Variants in WDR64 observed in about 807,000 individuals in gnomAD.
The protein encoded by WDR64 is WD repeat domain 64, also known as WD repeat-containing protein 64.
WDR64 carries 112 observed loss-of-function variants against 139.3 expected under a neutral mutation model. The observed-to-expected ratio is 0.80, with a 90% CI of 0.69 to 0.94. The LOEUF (loss-of-function observed/expected upper bound fraction) is 0.94. WDR64 is among the 40% of genes least tolerant of loss of function. The probability of loss-of-function intolerance (pLI) is 0.00; values close to 1 mark genes in which losing one functional copy is unlikely to be tolerated. For missense variants in WDR64, 1,206 were observed against 1,293.1 expected (o/e 0.93, Z 1.03); for synonymous variants, 444 against 437.7 (o/e 1.01, Z -0.18).
chr1:241,747,785 G>A (rs1320952515), intron 13 of WDR64, among the ~76,000 whole-genome samples: 2 of 152,206 alleles, frequency 1.3e-5, no homozygotes, highest in Non-Finnish European at 2.9e-5. Context: ...AGGAAGGAAA[G>A]ACTTCCTGGG....
At chr1:241,753,233 C>G (rs1670044098) in intron 14 of WDR64, among the ~76,000 whole-genome samples, 1 of 152,196 alleles carries the variant, frequency 6.6e-6, no homozygotes, top group Non-Finnish European at 1.5e-5. Flanking sequence ...AGACTAGAAA[C>G]TGGCTGTCTT....
In WDR64 at chr1:241,698,956, G is replaced by A. The variant is rs140321784; in HGVS notation, c.974+11361G>A. On this transcript the variant is annotated intron_variant, in intron 8 of 27. Transcript: ENST00000437684. ...TCGTGGTGGAAGGGGAAGCAAACAC[G>A]TCCTTCTTCACTTGGTGGCAGGAAA... Among the ~76,000 whole-genome samples, 77 of 152,298 alleles carry A rather than the reference G, an allele frequency of 5.1e-4. 2 individuals are homozygous for A. Among genetic ancestry groups the A allele is most frequent in the African/African-American group, 1.7e-3 (71 of 41,558 alleles).
At position 241,749,606 on chromosome 1, in the gene WDR64, A is replaced by G. The variant is rs756496380; in HGVS notation, c.1654A>G (p.Lys552Glu). 1.2e-6 allele frequency: 2 copies of G among 1,613,974 alleles called. No individual in the cohort carries two copies. The highest frequency in any genetic ancestry group is 1.7e-6 in the Non-Finnish European group (2 of 1,179,980). ...GQEMKVLPEGKDWKEDEHCLR... is the reference protein window; with the variant it reads ...GQEMKVLPEGEDWKEDEHCLR... ...GGAGATGAAGGTGTTGCCGGAGGGG[A>G]AAGACTGGAAGGAGGACGAGCACTG... The change falls in exon 14 of 28, where the codon AAA (lysine) becomes GAA (glutamate). Residue 552 changes from lysine to glutamate, a missense_variant. Coordinates refer to ENST00000437684, the MANE Select transcript of WDR64 (RefSeq NM_001367482.1).
intron 13 of WDR64, among the ~76,000 whole-genome samples, chr1:241,746,290 C>A (rs957086810): frequency 5.3e-5 from 8 of 151,988 alleles, no homozygotes; most frequent in Admixed American, 5.2e-4. Flanking sequence ...GAGGAAAAGA[C>A]CTGTGGTTCA....
At chr1:241,772,228 T>G (rs1008443214) in intron 19 of WDR64, among the ~76,000 whole-genome samples, 2 of 148,748 alleles carry the variant, frequency 1.3e-5, no homozygotes, top group Non-Finnish European at 1.5e-5. Context: ...ATAGAAGCTT[T>G]TGCAATATGA....
At chr1:241,770,392 A>C in intron 17 of WDR64, 1 of 414,610 alleles carries the variant, frequency 2.4e-6, no homozygotes, top group Non-Finnish European at 4.3e-6. Flanking sequence ...TTTTCTGACA[A>C]AGGGAGCAAT....
chr1:241,780,137 A>G (rs1299643601), intron 22 of WDR64, 75 bp downstream of exon 22: 4 of 1,228,066 alleles, frequency 3.3e-6, no homozygotes, highest in Non-Finnish European at 4.6e-6. Context: ...GCTAGACACC[A>G]TAAAGGATAG....
intron 6 of WDR64, among the ~76,000 whole-genome samples, chr1:241,680,065 AG>A (rs555826807): frequency 3.4e-4 from 52 of 152,306 alleles, no homozygotes; most frequent in Admixed American, 6.5e-4. Context: ...GCAGACACTT[AG>A]AAGTAAGGAT....
At chr1:241,669,042 C>T (rs67389782) in intron 2 of WDR64, among the ~76,000 whole-genome samples, 21,258 of 152,134 alleles carry the variant, frequency 0.14, 1,673 homozygotes, top group East Asian at 0.25. Context: ...TGTTTTAAAA[C>T]GATTACTATA....
In WDR64 at chr1:241,801,522, G is replaced by C; in HGVS notation, c.*307G>C. The C allele has an allele frequency of 2.4e-6, 1 of 418,132 alleles. No homozygotes were observed. 25.9% of individuals were successfully genotyped at this position (418,132 alleles called of 1,614,324 possible). ...AAAATAATATGGTTATCAATGTTTA[G>C]CTTTCCACTTCCTCCCATTGGTCAC... On this transcript the variant is annotated 3_prime_UTR_variant, in exon 28 of 28. Transcript: ENST00000437684.
At chr1:241,761,051 G>A (rs1657861182) in intron 15 of WDR64, among the ~76,000 whole-genome samples, 1 of 152,082 alleles carries the variant, frequency 6.6e-6, no homozygotes, top group South Asian at 2.1e-4. Context: ...CTTCACAGAA[G>A]TTACACAGCT....
chr1:241,704,176 G>T (rs1667847093), intron 8 of WDR64, among the ~76,000 whole-genome samples: 1 of 152,158 alleles, frequency 6.6e-6, no homozygotes, highest in African/African-American at 2.4e-5. Flanking sequence ...GCTCACTAAG[G>T]TGTCCTGGCC....
intron 1 of WDR64, among the ~76,000 whole-genome samples, chr1:241,657,313 A>T (rs1472539463): frequency 6.6e-6 from 1 of 152,106 alleles, no homozygotes; most frequent in Non-Finnish European, 1.5e-5. Flanking sequence ...GCCTCCTAGC[A>T]GCAGCAAGTG....
At position 241,766,435 on chromosome 1, in the gene WDR64, G is replaced by C. The variant is rs1438746177; in HGVS notation, c.2081+84G>C. On this transcript the variant is annotated intron_variant, in intron 16 of 27. Coordinates refer to ENST00000437684, the MANE Select transcript of WDR64 (RefSeq NM_001367482.1). ...CATGCAACACTCAGGGAAGGGCTGG[G>C]CGCGGTGGCTCAGGTCTGTAAACCC... 2.0e-6 allele frequency: 3 copies of C among 1,474,170 alleles called. No homozygotes were observed. The East Asian group carries it at 7.4e-5, about 36-fold the overall frequency. The allele number at this position is 1,474,170 out of a possible 1,614,324, so 91.3% of individuals were successfully genotyped here.
rs911529641 is a variant in WDR64 at position 241,766,199 on chromosome 1, T to C, written c.1948-19T>C. ...CATGAATACTATATTTATGGTGTTC[T>C]GTTTCCTTCGTTCTTCAGAATCCCA... On this transcript the variant is annotated intron_variant, in intron 15 of 27. Transcript: ENST00000437684. 1.9e-6 allele frequency: 3 copies of C among 1,612,454 alleles called. No individual in the cohort carries two copies. In the African/African-American group the frequency reaches 4.0e-5, roughly 22 times the overall value.
chr1:241,695,950 C>T (rs1226963354), intron 8 of WDR64, among the ~76,000 whole-genome samples: 1 of 151,312 alleles, frequency 6.6e-6, no homozygotes, highest in Non-Finnish European at 1.5e-5. Context: ...CCTGTCGCTA[C>T]AAATAAGTTA....
At chr1:241,754,719 T>C (rs891894035) in intron 14 of WDR64, among the ~76,000 whole-genome samples, 2 of 150,902 alleles carry the variant, frequency 1.3e-5, no homozygotes, top group Non-Finnish European at 3.0e-5. Context: ...ATTGCTCCCC[T>C]AGCCCCCCAC....
chr1:241,729,122 C>T (rs1668975130), intron 10 of WDR64, among the ~76,000 whole-genome samples: 1 of 152,114 alleles, frequency 6.6e-6, no homozygotes, highest in Middle Eastern at 3.2e-3. Context: ...AGCCATAATC[C>T]AACTTCAAAG....
chr1:241,697,148 G>C (rs1272398529), intron 8 of WDR64, among the ~76,000 whole-genome samples: 4 of 152,094 alleles, frequency 2.6e-5, no homozygotes, highest in Non-Finnish European at 5.9e-5. Flanking sequence ...CCTTAGCCTA[G>C]ACTCCTAATC....
Sources: allele counts gnomAD v4.1 joint callset (sites outside exome capture counted in the v4.1 genomes callset), GRCh38; gene constraint gnomAD v4.1.1; transcripts MANE v1.5; gene names NCBI Gene and HGNC (gene_info 2026-07-23, HGNC 2026-07-21).